The following XXYLT1 variants were observed in gnomAD, a reference collection of about 807,000 sequenced individuals.
XXYLT1 encodes xyloside xylosyltransferase 1.
A neutral mutation model predicts 28.9 loss-of-function variants in XXYLT1; 20 were observed. That is an observed-to-expected ratio of 0.69 (90% confidence interval 0.49 to 1.00). The LOEUF is 1.00. XXYLT1 is among the 50% of genes least tolerant of loss of function. The pLI is 0.00. For missense variants in XXYLT1, 542 were observed against 560.1 expected, an observed-to-expected ratio of 0.97 and a Z score of 0.33; for synonymous variants, 257 against 253.8, an observed-to-expected ratio of 1.01 and a Z score of -0.12.
chr3:195,137,027 AG>A lies in XXYLT1; in HGVS notation c.785+19421del, dbSNP rs1719235499. 2.6e-5 allele frequency among the ~76,000 whole-genome samples: 4 copies of A among 152,186 alleles called. No homozygotes were observed. The South Asian group carries it at 8.3e-4, about 32-fold the overall frequency. On this transcript the variant is annotated intron_variant, in intron 3 of 3. Transcript: ENST00000310380. ...CACTGCAACTCGTTCGAGTCCTAGGAGGCTGTCCACAAGCTTAGGCTTAGCT... is the reference window on the plus strand; with the variant it reads ...CACTGCAACTCGTTCGAGTCCTAGGAGCTGTCCACAAGCTTAGGCTTAGCT...
intron 1 of XXYLT1, among the ~76,000 whole-genome samples, chr3:195,261,483 G>A (rs1725699053): frequency 6.6e-6 from 1 of 152,108 alleles, no homozygotes; most frequent in South Asian, 2.1e-4. Flanking sequence ...AAAAGAAAAA[G>A]GGGAGGGGAG....
intron 2 of XXYLT1, among the ~76,000 whole-genome samples, chr3:195,221,203 C>CA (rs1723808506): frequency 1.3e-5 from 2 of 152,212 alleles, no homozygotes; most frequent in African/African-American, 2.4e-5. Flanking sequence ...TCATCAAAAA[C>CA]AAGGCAAGTT....
At chr3:195,110,545 G>GGTGTAT (rs1221793095) in intron 3 of XXYLT1, among the ~76,000 whole-genome samples, 10 of 14,046 alleles carry the variant, frequency 7.1e-4, no homozygotes, top group Admixed American at 4.2e-3. Context: ...GCGTGTGTGT[G>GGTGTAT]GTGTGTGTGT....
At chr3:195,148,524 T>A (rs1001200710) in intron 3 of XXYLT1, among the ~76,000 whole-genome samples, 3 of 152,168 alleles carry the variant, frequency 2.0e-5, no homozygotes, top group Non-Finnish European at 1.5e-5. Context: ...ACCCAATAGC[T>A]TTTATCTTCA....
rs538930442 is a variant in XXYLT1, at chr3:195,257,234, C to T, written c.504+13321G>A. 1.3e-5 allele frequency among the ~76,000 whole-genome samples: 2 copies of T among 152,338 alleles called. No individual in the cohort carries two copies. Among genetic ancestry groups the T allele is most frequent in the African/African-American group, 4.8e-5 (2 of 41,576 alleles). On this transcript the variant is annotated intron_variant, in intron 1 of 3. Transcript: ENST00000310380. The surrounding 1 kb of genome is among the most constrained non-coding windows in gnomAD (Gnocchi z 4.3). ...CATGGCTGCACTCACACCCCACTGC[C>T]CACCGTGTTGGCATCCAGCTCCTCC...
intron 3 of XXYLT1, among the ~76,000 whole-genome samples, chr3:195,074,792 A>G (rs1323639406): frequency 3.9e-5 from 6 of 152,124 alleles, no homozygotes; most frequent in Non-Finnish European, 8.8e-5. Flanking sequence ...ATCAAACTGG[A>G]GAAGACATGG....
At chr3:195,221,900 C>G (rs1723841836) in intron 2 of XXYLT1, among the ~76,000 whole-genome samples, 1 of 152,260 alleles carries the variant, frequency 6.6e-6, no homozygotes, top group South Asian at 2.1e-4. Context: ...GCGAGACCAG[C>G]CGCATGTGAA....
rs145192805 is a variant in XXYLT1 at position 195,083,773 on chromosome 3, C to A, written c.786-13662G>T. ...GTGCACAGTGGCTCATGCCGCTAAT[C>A]CCAGCACTTTGGGAGGCCGAGGAAA... On this transcript the variant is annotated intron_variant, in intron 3 of 3. Transcript: ENST00000310380. Among the ~76,000 whole-genome samples, 450 of 152,344 alleles carry A rather than the reference C, an allele frequency of 3.0e-3. 2 individuals carry two copies. Among genetic ancestry groups the A allele is most frequent in the African/African-American group, 0.01 (432 of 41,572 alleles).
intron 3 of XXYLT1, among the ~76,000 whole-genome samples, chr3:195,088,168 T>G (rs973695483): frequency 1.1e-4 from 17 of 151,612 alleles, no homozygotes; most frequent in Admixed American, 1.3e-4. Context: ...AAGCTCGAAC[T>G]GGGTGGAGCC....
At chr3:195,091,140 C>T (rs1191524099) in intron 3 of XXYLT1, among the ~76,000 whole-genome samples, 1 of 140,784 alleles carries the variant, frequency 7.1e-6, no homozygotes, top group African/African-American at 2.7e-5. Flanking sequence ...CTATTTCAAT[C>T]AATAGAAAAA....
intron 1 of XXYLT1, chr3:195,270,020 G>C (rs1725964442): frequency 5.2e-6 from 1 of 193,038 alleles, no homozygotes; most frequent in African/African-American, 2.4e-5. Context: ...CTTGGAGGAA[G>C]GGGAAAAAGG....
At position 195,124,385 on chromosome 3, in the gene XXYLT1, C is replaced by T. The variant is rs115768382; in HGVS notation, c.785+32064G>A. On this transcript the variant is annotated intron_variant, in intron 3 of 3. Coordinates refer to ENST00000310380, the MANE Select transcript of XXYLT1 (RefSeq NM_152531.5). This position sits in a 1 kb window ranked among gnomAD's most constrained non-coding sequence, Gnocchi z 4.1. ...TCTGGGAGAACGATGGGTATAAATCCAAGACCTAGGACTCACCTGGAAGGG... is the reference window on the plus strand; with the variant it reads ...TCTGGGAGAACGATGGGTATAAATCTAAGACCTAGGACTCACCTGGAAGGG... Among the ~76,000 whole-genome samples, 1,025 of 152,304 alleles carry T rather than the reference C, an allele frequency of 6.7e-3. 12 individuals are homozygous for T. Among genetic ancestry groups the T allele is most frequent in the African/African-American group, 0.023 (950 of 41,552 alleles).
At chr3:195,132,534 G>A (rs1718955592) in intron 3 of XXYLT1, among the ~76,000 whole-genome samples, 1 of 151,980 alleles carries the variant, frequency 6.6e-6, no homozygotes, top group South Asian at 2.1e-4. Context: ...CATTCATTAA[G>A]CAGCAGTTGT....
rs1721616945 is a variant in XXYLT1, at chr3:195,175,483, G to A, written c.653-18902C>T. Reference sequence around the variant, plus strand: ...GAAAGGGCACATTTGGGGAGAGGACGACAATGAGTTCTGTGTTGCATGTTG... The same window carrying A: ...GAAAGGGCACATTTGGGGAGAGGACAACAATGAGTTCTGTGTTGCATGTTG... On this transcript the variant is annotated intron_variant, in intron 2 of 3. Transcript: ENST00000310380. The A allele has an allele frequency of 1.9e-5, 26 of 1,346,022 alleles. No individual in the cohort carries two copies. In the South Asian group the frequency reaches 3.0e-4, roughly 15 times the overall value. 83.4% of individuals were successfully genotyped at this position (1,346,022 alleles called of 1,614,324 possible).
chr3:195,220,767 T>G (rs1723791075), intron 2 of XXYLT1, among the ~76,000 whole-genome samples: 2 of 152,194 alleles, frequency 1.3e-5, no homozygotes, highest in Admixed American at 1.3e-4. Context: ...CCATGGCCAG[T>G]GGCACCTGTC....
chr3:195,088,100 G>A (rs1577010735), intron 3 of XXYLT1, among the ~76,000 whole-genome samples: 1 of 151,886 alleles, frequency 6.6e-6, no homozygotes, highest in South Asian at 2.1e-4. Flanking sequence ...TGGCAGCGAG[G>A]CTGGGGGAGG....
intron 1 of XXYLT1, among the ~76,000 whole-genome samples, chr3:195,247,048 T>C (rs889205236): frequency 2.0e-4 from 30 of 152,324 alleles, no homozygotes; most frequent in African/African-American, 7.2e-4. Flanking sequence ...GGTAGAAGCA[T>C]TCCCTAATTC....
intron 3 of XXYLT1, among the ~76,000 whole-genome samples, chr3:195,086,974 C>T (rs530018427): frequency 6.6e-6 from 1 of 152,262 alleles, no homozygotes; most frequent in Non-Finnish European, 1.5e-5. Flanking sequence ...ACCTGTACCA[C>T]AAGGAGGGAG....
rs542624615 is a variant in XXYLT1, at chr3:195,081,444, C to T, written c.786-11333G>A. ...ATGCTTACAGGTGCCAGGAGGGAGGCCCAGCTCCGCCACCTTCCATCGGTC... is the reference window on the plus strand; with the variant it reads ...ATGCTTACAGGTGCCAGGAGGGAGGTCCAGCTCCGCCACCTTCCATCGGTC... On this transcript the variant is annotated intron_variant, in intron 3 of 3. Coordinates refer to ENST00000310380, the MANE Select transcript of XXYLT1 (RefSeq NM_152531.5). 4.6e-5 allele frequency among the ~76,000 whole-genome samples: 7 copies of T among 152,280 alleles called. No individual in the cohort carries two copies. In the East Asian group the frequency reaches 9.7e-4, roughly 21 times the overall value.
Sources: gnomAD v4.1 joint callset for allele counts (sites outside exome capture counted in the v4.1 genomes callset) on GRCh38, gnomAD v4.1.1 for gene constraint, Gnocchi (gnomAD v3.1) non-coding constraint, MANE v1.5 for transcripts, NCBI Gene and HGNC (gene_info 2026-07-23, HGNC 2026-07-21) for gene names.